The following CCN5 variants were observed in gnomAD, a reference collection of about 807,000 sequenced individuals.
The protein encoded by CCN5 is cellular communication network factor 5.
Under a neutral mutation model 18.7 loss-of-function variants are expected in CCN5, and 17 were observed. That is an observed-to-expected ratio of 0.91 (90% CI 0.62 to 1.36). The LOEUF (loss-of-function observed/expected upper bound fraction) is 1.36. Ranked by LOEUF, CCN5 falls within the 40% of genes most tolerant of loss-of-function variation. The pLI is 0.00. For synonymous variants in CCN5, 135 were observed against 145.2 expected, an observed-to-expected ratio of 0.93 and a Z score of 0.50; for missense variants, 367 against 342.9, an observed-to-expected ratio of 1.07 and a Z score of -0.56.
At chr20:44,717,734 G>A (rs1285517833) in intron 1 of CCN5, among the ~76,000 whole-genome samples, 1 of 151,854 alleles carries the variant, frequency 6.6e-6, no homozygotes, top group African/African-American at 2.4e-5. Flanking sequence ...AAATTAGCTG[G>A]GCATGGTGGC....
chr20:44,726,936 C>T (rs532740760), intron 3 of CCN5, 151 bp from the exon 4 acceptor site: 9 of 704,386 alleles, frequency 1.3e-5, no homozygotes, highest in African/African-American at 7.2e-5. Flanking sequence ...TTATTCAATG[C>T]CATCCACTGT....
chr20:44,726,548 C>T (rs1187466369), intron 3 of CCN5, among the ~76,000 whole-genome samples: 2 of 152,052 alleles, frequency 1.3e-5, no homozygotes, highest in African/African-American at 4.8e-5. Flanking sequence ...AAAACTGTCT[C>T]CAGATATTGC....
upstream of CCN5, chr20:44,715,333 C>G (rs1043358330): frequency 6.5e-7 from 1 of 1,543,288 alleles, no homozygotes; most frequent in East Asian, 2.4e-5. Flanking sequence ...TCACAGCTGC[C>G]GGAACATAAA....
chr20:44,723,229 C>T (rs1476524356), intron 2 of CCN5, among the ~76,000 whole-genome samples: 1 of 152,082 alleles, frequency 6.6e-6, no homozygotes, highest in Non-Finnish European at 1.5e-5. Flanking sequence ...TATTTCTCAG[C>T]AAGGCCTTCC....
upstream of CCN5, chr20:44,715,167 T>C (rs2065846871): frequency 5.4e-6 from 3 of 557,318 alleles, no homozygotes; most frequent in South Asian, 4.0e-5. Flanking sequence ...TTCAGGTAAA[T>C]GGGCTCATCC....
At position 44,720,001 on chromosome 20, in the gene CCN5, A is replaced by G. The variant is rs1317444336; in HGVS notation, c.165A>G (p.Val55=). ...TGGATGGCTGTGGCTGCTGCCGGGTATGTGCACGGCGGCTGGGGGAGCCCT... is the reference window on the plus strand; with the variant it reads ...TGGATGGCTGTGGCTGCTGCCGGGTGTGTGCACGGCGGCTGGGGGAGCCCT... The part of the protein sequence containing the change: ...LVLDGCGCCR[V]CARRLGEPCD... Residue 55 remains valine, a synonymous_variant, in exon 2 of 4, where the codon GTA becomes GTG. Transcript: ENST00000190983. 1.2e-6 allele frequency: 2 copies of G among 1,611,670 alleles called. No individual in the cohort carries two copies. The highest frequency in any genetic ancestry group is 1.3e-5 in the African/African-American group (1 of 74,902).
chr20:44,720,406 C>T (rs183191433), intron 2 of CCN5: 5 of 474,810 alleles, frequency 1.1e-5, no homozygotes, highest in Admixed American at 4.2e-5. Context: ...CCTGAGAAGC[C>T]CCCCCAGATT....
chr20:44,726,794 T>C lies in CCN5; in HGVS notation c.533-293T>C, dbSNP rs112091985. ...CCCCCTGCCTGTAAAATGCTGTTTA[T>C]CCAAAGAGACGAGAAAACCATGGTT... is the stretch of plus-strand genomic sequence containing the variant. On this transcript the variant is annotated intron_variant, in intron 3 of 3. Transcript: ENST00000190983. Among the ~76,000 whole-genome samples the C allele has an allele frequency of 6.0e-3, 920 of 152,188 alleles. 9 individuals are homozygous for C. Among genetic ancestry groups the C allele is most frequent in the African/African-American group, 0.021 (857 of 41,524 alleles).
intron 1 of CCN5, 126 bp downstream of exon 1, chr20:44,715,576 G>A: frequency 2.9e-6 from 3 of 1,046,672 alleles, no homozygotes; most frequent in Non-Finnish European, 4.2e-6. Context: ...GGCACAGTCT[G>A]GCCCCCATGC....
chr20:44,720,015 T>A lies in CCN5; in HGVS notation c.179T>A (p.Leu60Gln). 2.5e-6 allele frequency: 4 copies of A among 1,608,764 alleles called. No homozygotes were observed. Among genetic ancestry groups the A allele is most frequent in the South Asian group, 1.1e-5 (1 of 90,724 alleles). ...CGCCRVCARR[L>Q]GEPCDQLHVC... ...TGCTGCCGGGTATGTGCACGGCGGCTGGGGGAGCCCTGCGACCAACTCCAC... is the reference window on the plus strand; with the variant it reads ...TGCTGCCGGGTATGTGCACGGCGGCAGGGGGAGCCCTGCGACCAACTCCAC... The change falls in exon 2 of 4, where the codon CTG (leucine) becomes CAG (glutamine). Residue 60 changes from leucine (L) to glutamine (Q), a missense_variant. Physicochemically the swap from Leu to Gln is moderately radical, Grantham distance 113. Coordinates refer to ENST00000190983, the MANE Select transcript of CCN5 (RefSeq NM_003881.4).
chr20:44,727,033 T>C (rs2065940282), intron 3 of CCN5, 54 bp from the exon 4 acceptor site: 6 of 1,482,980 alleles, frequency 4.0e-6, no homozygotes, highest in Admixed American at 4.8e-5. Flanking sequence ...GGTGGGTTGA[T>C]TGAGCTGCTG....
chr20:44,726,672 C>T (rs968599852), intron 3 of CCN5, among the ~76,000 whole-genome samples: 1 of 152,098 alleles, frequency 6.6e-6, no homozygotes, highest in Non-Finnish European at 1.5e-5. Context: ...AAAAGCTAGA[C>T]CATGGTGAAC....
Position 44,720,076 on chromosome 20 carries a change from CG to C in CCN5, c.244del (p.Ala82GlnfsTer21). On this transcript the variant is annotated frameshift_variant, in exon 2 of 4. Coordinates refer to ENST00000190983, the MANE Select transcript of CCN5 (RefSeq NM_003881.4). LOFTEE classifies it high-confidence loss of function. ...CCAGCCAGGGCCTGGTCTGCCAGCCCGGGGCAGGACCCGGTGGCCGGGGGGC... is the reference window on the plus strand; with the variant it reads ...CCAGCCAGGGCCTGGTCTGCCAGCCCGGGCAGGACCCGGTGGCCGGGGGGC... ...DASQGLVCQP[G>X]AGPGGRGALC... 6.4e-7 allele frequency: 1 copy of C among 1,574,408 alleles called. No homozygotes were observed.
chr20:44,719,421 G>A (rs139774627), intron 1 of CCN5, among the ~76,000 whole-genome samples: 4 of 152,306 alleles, frequency 2.6e-5, no homozygotes, highest in South Asian at 2.1e-4. Context: ...TTGGGAGGCC[G>A]AGGCGGGCGG....
rs371906914 is a variant in CCN5, at chr20:44,724,826, C to A, written c.366C>A (p.Arg122=). The change falls in exon 3 of 4, where the codon CGC becomes CGA. Residue 122 remains arginine, a synonymous_variant. Coordinates refer to ENST00000190983, the MANE Select transcript of CCN5 (RefSeq NM_003881.4). ...TFQPHCSIRC[R]CEDGGFTCVP... Reference sequence around the variant, plus strand: ...AGCCCCACTGCAGCATCCGCTGCCGCTGCGAGGACGGCGGCTTCACCTGCG... The same window carrying A: ...AGCCCCACTGCAGCATCCGCTGCCGATGCGAGGACGGCGGCTTCACCTGCG... 3.2e-5 allele frequency: 52 copies of A among 1,609,320 alleles called. No individual in the cohort carries two copies. The highest frequency in any genetic ancestry group is 4.2e-5 in the Non-Finnish European group (49 of 1,178,638).
chr20:44,722,333 G>A (rs144230108), intron 2 of CCN5, among the ~76,000 whole-genome samples: 17 of 152,296 alleles, frequency 1.1e-4, no homozygotes, highest in African/African-American at 3.6e-4. Context: ...TGATAACAGC[G>A]CATCCAATGC....
At chr20:44,715,096 GCA>G (rs144166282), upstream of CCN5, 10,936 of 279,636 alleles carry the variant, frequency 0.039, no homozygotes, top group East Asian at 0.091. Context: ...ACACACACGC[GCA>G]CACACACACA....
At chr20:44,715,367 C>A, upstream of CCN5, 1 of 1,591,576 alleles carries the variant, frequency 6.3e-7, no homozygotes, top group Non-Finnish European at 8.5e-7. Flanking sequence ...GCCTCCCAGG[C>A]TCAAAGCTGG....
intron 1 of CCN5, among the ~76,000 whole-genome samples, chr20:44,717,785 C>T (rs1192300341): frequency 1.3e-5 from 2 of 151,126 alleles, no homozygotes; most frequent in African/African-American, 4.9e-5. Context: ...CTGAGGCCTC[C>T]CAAGAATTGC....
Sources: gnomAD v4.1 joint callset for allele counts (sites outside exome capture counted in the v4.1 genomes callset) on GRCh38, gnomAD v4.1.1 for gene constraint, MANE v1.5 for transcripts, NCBI Gene and HGNC (gene_info 2026-07-23, HGNC 2026-07-21) for gene names.